Variants in NEXMIF observed in about 807,000 individuals in gnomAD.
The protein encoded by NEXMIF is neurite extension and migration factor, also known as XLMR protein related to neurite extension.
A neutral mutation model predicts 62.1 loss-of-function variants in NEXMIF; 8 were observed. That is an observed-to-expected ratio of 0.13 (90% CI 0.08 to 0.23). NEXMIF has a LOEUF of 0.23. NEXMIF is among the 10% of genes least tolerant of loss of function. The pLI is 1.00. For synonymous variants in NEXMIF, 404 were observed against 416.6 expected (o/e 0.97, Z 0.37); for missense variants, 976 against 1,113.3 (o/e 0.88, Z 1.75).
At chrX:74,904,960 T>TAG (rs1184546120) in intron 1 of NEXMIF, among the ~76,000 whole-genome samples, 2 of 111,448 alleles carry the variant, frequency 1.8e-5, no homozygotes, top group Non-Finnish European at 3.8e-5. Flanking sequence ...GCCTAGAACC[T>TAG]TTGCAAATCA....
Position 74,741,379 on chromosome X carries a change from G to T in NEXMIF, c.3178C>A (p.Pro1060Thr). Residue 1060 changes from proline to threonine, a missense_variant, in exon 3 of 4, where the codon CCT (proline) becomes ACT (threonine). Physicochemically the swap from Pro to Thr is conservative, Grantham distance 38 (BLOSUM62 -1). Transcript: ENST00000055682. Reference protein sequence around the residue: ...TDLLDISNFTPDKFRHSSLSE... With the variant: ...TDLLDISNFTTDKFRHSSLSE... ...AGGGAAGAGTGGCGGAATTTGTCAG[G>T]GGTGAAGTTGGATATATCCAGGAGG... 1 of 1,211,077 alleles carries T rather than the reference G, an allele frequency of 8.3e-7. No homozygotes were observed. Among genetic ancestry groups the T allele is most frequent in the Non-Finnish European group, 1.1e-6 (1 of 895,215 alleles).
At chrX:74,847,905 C>T (rs1162290982) in intron 1 of NEXMIF, among the ~76,000 whole-genome samples, 1 of 111,382 alleles carries the variant, frequency 9.0e-6, no homozygotes, top group African/African-American at 3.3e-5. Context: ...TCAAATGACT[C>T]TTTAGTCAAG....
At chrX:74,874,253 C>T (rs866477022) in intron 1 of NEXMIF, among the ~76,000 whole-genome samples, 44 of 107,745 alleles carry the variant, frequency 4.1e-4, no homozygotes, top group Middle Eastern at 9.3e-3. Flanking sequence ...ATAGGGAATC[C>T]TTTCCCCATT....
intron 1 of NEXMIF, among the ~76,000 whole-genome samples, chrX:74,894,941 C>G (rs1008380324): frequency 4.5e-5 from 5 of 112,160 alleles, no homozygotes; most frequent in African/African-American, 1.6e-4. Flanking sequence ...ACTGTCATCA[C>G]TGTTATTCAA....
At chrX:74,923,334 C>T (rs959646293) in intron 1 of NEXMIF, among the ~76,000 whole-genome samples, 1 of 111,729 alleles carries the variant, frequency 9.0e-6, no homozygotes, top group Non-Finnish European at 1.9e-5. Flanking sequence ...AATGTACCAG[C>T]CCAAATTTAA....
chrX:74,873,019 T>C (rs1032213432), intron 1 of NEXMIF, among the ~76,000 whole-genome samples: 4 of 109,670 alleles, frequency 3.6e-5, no homozygotes, highest in African/African-American at 1.0e-4. Context: ...CTTTAAGTTT[T>C]AGGATACATG....
intron 1 of NEXMIF, among the ~76,000 whole-genome samples, chrX:74,922,207 T>G (rs2080829252): frequency 8.9e-6 from 1 of 111,865 alleles, no homozygotes; most frequent in Non-Finnish European, 1.9e-5. Context: ...TAGTTCTCTC[T>G]GCTCACCAGG....
intron 1 of NEXMIF, among the ~76,000 whole-genome samples, chrX:74,873,196 T>C (rs1428670387): frequency 9.1e-6 from 1 of 109,412 alleles, no homozygotes; most frequent in Non-Finnish European, 1.9e-5. Context: ...AGTGTCCATG[T>C]GTTCTCATTG....
At chrX:74,819,843 AC>A (rs1030948665) in intron 1 of NEXMIF, among the ~76,000 whole-genome samples, 4 of 112,103 alleles carry the variant, frequency 3.6e-5, no homozygotes, top group African/African-American at 1.3e-4. Context: ...CTGGGTATAT[AC>A]CCAAAGGATT....
Position 74,742,068 on chromosome X carries a change from A to G in NEXMIF, c.2489T>C (p.Ile830Thr). Residue 830 changes from isoleucine to threonine, a missense_variant, in exon 3 of 4, where the codon ATC becomes ACC. Physicochemically the swap from Ile to Thr is moderately conservative, Grantham distance 89 (BLOSUM62 -1). Coordinates refer to ENST00000055682, the MANE Select transcript of NEXMIF (RefSeq NM_001008537.3). ...TGGAGAATGGTGGCTGAAGTATGAG[A>G]TACTAGTGTTATTTGACAAGTCAGA... ...DASDLSNNTS[I>T]SYFSHHSPEQ... 2 of 1,211,682 alleles carry G rather than the reference A, an allele frequency of 1.7e-6. No homozygotes were observed.
At chrX:74,781,919 A>G (rs956444762) in intron 1 of NEXMIF, among the ~76,000 whole-genome samples, 2 of 112,282 alleles carry the variant, frequency 1.8e-5, no homozygotes, top group Admixed American at 1.9e-4. Flanking sequence ...GTGGTTTTTC[A>G]ATATTTGATA....
chrX:74,768,283 T>A (rs1221715928), intron 1 of NEXMIF, among the ~76,000 whole-genome samples: 2 of 111,808 alleles, frequency 1.8e-5, no homozygotes, highest in Non-Finnish European at 3.8e-5. Flanking sequence ...GCCTTGATTT[T>A]CTCCATTCTC....
At chrX:74,858,548 G>A (rs1171665616) in intron 1 of NEXMIF, among the ~76,000 whole-genome samples, 1 of 111,369 alleles carries the variant, frequency 9.0e-6, no homozygotes, top group East Asian at 2.8e-4. Flanking sequence ...TTCCCAAGAA[G>A]GATGGGTACA....
intron 1 of NEXMIF, among the ~76,000 whole-genome samples, chrX:74,860,759 G>C (rs778006664): frequency 2.7e-5 from 3 of 111,634 alleles, no homozygotes; most frequent in South Asian, 7.4e-4. Flanking sequence ...GCAGTGCTAA[G>C]AGGGAAGTTT....
intron 1 of NEXMIF, among the ~76,000 whole-genome samples, chrX:74,763,723 G>C (rs2080185115): frequency 7.6e-5 from 1 of 13,242 alleles, no homozygotes; most frequent in African/African-American, 8.1e-5. Context: ...TGTTCTCTTT[G>C]AAGCCAATTG....
chrX:74,898,691 C>T (rs2080739945), intron 1 of NEXMIF, among the ~76,000 whole-genome samples: 1 of 111,352 alleles, frequency 9.0e-6, no homozygotes, highest in African/African-American at 3.3e-5. Context: ...AAATGTAAAA[C>T]TGTTCTAAAA....
chrX:74,854,159 T>C (rs1217453681), intron 1 of NEXMIF, among the ~76,000 whole-genome samples: 1 of 111,747 alleles, frequency 8.9e-6, no homozygotes, highest in Non-Finnish European at 1.9e-5. Context: ...CTGATGAATA[T>C]AGATGCAAAA....
intron 1 of NEXMIF, among the ~76,000 whole-genome samples, chrX:74,864,978 G>C (rs758249363): frequency 2.7e-4 from 30 of 112,021 alleles, no homozygotes; most frequent in African/African-American, 8.7e-4. Context: ...TACAGTGCCA[G>C]GATTACAGGC....
intron 1 of NEXMIF, among the ~76,000 whole-genome samples, chrX:74,812,839 G>C (rs1199521675): frequency 8.9e-6 from 1 of 111,823 alleles, no homozygotes; most frequent in Non-Finnish European, 1.9e-5. Flanking sequence ...GGTCATAAGA[G>C]AGGCAGAACC....
Sources: gnomAD v4.1 joint callset for allele counts (sites outside exome capture counted in the v4.1 genomes callset) on GRCh38, gnomAD v4.1.1 for gene constraint, MANE v1.5 for transcripts, NCBI Gene and HGNC (gene_info 2026-07-23, HGNC 2026-07-21) for gene names.